Variants in KCNK2 observed in about 807,000 individuals in gnomAD.
KCNK2 encodes the protein potassium two pore domain channel subfamily K member 2.
A neutral mutation model predicts 40.5 loss-of-function variants in KCNK2; 21 were observed. The ratio of observed to expected loss-of-function variants is 0.52; its 90% CI spans 0.37 to 0.75. The LOEUF is 0.75. KCNK2 is among the 30% of genes least tolerant of loss of function. The probability of loss-of-function intolerance (pLI) is 0.00; values close to 1 mark genes in which losing one functional copy is unlikely to be tolerated. For missense variants in KCNK2, 399 were observed against 531.6 expected, an observed-to-expected ratio of 0.75 and a Z score of 2.45; for synonymous variants, 191 against 202.2, an observed-to-expected ratio of 0.94 and a Z score of 0.47.
chr1:215,210,376 A>C (rs1456806269), intron 6 of KCNK2, among the ~76,000 whole-genome samples: 1 of 151,920 alleles, frequency 6.6e-6, no homozygotes, highest in African/African-American at 2.4e-5. Context: ...GGGCAGGGTA[A>C]GAATTGCTTT....
At chr1:215,031,182 A>C (rs1017039536) in intron 1 of KCNK2, among the ~76,000 whole-genome samples, 4 of 152,026 alleles carry the variant, frequency 2.6e-5, no homozygotes, top group African/African-American at 9.7e-5. Context: ...CAGTCCTCTG[A>C]CTTTTTTACC....
intron 5 of KCNK2, among the ~76,000 whole-genome samples, chr1:215,182,004 T>G (rs1376993216): frequency 6.6e-6 from 1 of 152,212 alleles, no homozygotes; most frequent in East Asian, 1.9e-4. Flanking sequence ...GGGGAACTCC[T>G]TGACCCCATG....
chr1:215,133,812 G>A (rs1235858205), intron 3 of KCNK2, among the ~76,000 whole-genome samples: 1 of 152,064 alleles, frequency 6.6e-6, no homozygotes, highest in East Asian at 1.9e-4. Flanking sequence ...ATTCCAAATG[G>A]AAAGGAATTC....
intron 3 of KCNK2, among the ~76,000 whole-genome samples, chr1:215,148,894 G>C (rs1274214570): frequency 6.6e-6 from 1 of 152,156 alleles, no homozygotes; most frequent in Non-Finnish European, 1.5e-5. Context: ...GCTAGAGGGA[G>C]AAAACAACAT....
chr1:215,165,173 A>G (rs1397400962), intron 3 of KCNK2, among the ~76,000 whole-genome samples: 5 of 152,268 alleles, frequency 3.3e-5, no homozygotes, highest in East Asian at 1.9e-4. Flanking sequence ...CTTGCTTTCC[A>G]TAGCTTGCAC....
rs192536499 is a variant in KCNK2 at position 215,093,972 on chromosome 1, A to G, written c.357+7294A>G. Reference sequence around the variant, plus strand: ...ATAATATATAAAATATATAATATATATATATTGTATATGGTTGGTGCAAAT... The same window carrying G: ...ATAATATATAAAATATATAATATATGTATATTGTATATGGTTGGTGCAAAT... On this transcript the variant is annotated intron_variant, in intron 2 of 6. Transcript: ENST00000444842. Among the ~76,000 whole-genome samples, 1,174 of 131,918 alleles carry G rather than the reference A, an allele frequency of 8.9e-3. 16 individuals are homozygous for G. The highest frequency in any genetic ancestry group is 0.013 in the Non-Finnish European group (814 of 64,762). The allele number at this position is 131,918 out of a possible 152,430, so 86.5% of individuals were successfully genotyped here.
At chr1:215,189,379 G>C (rs1664572952) in intron 5 of KCNK2, among the ~76,000 whole-genome samples, 1 of 152,150 alleles carries the variant, frequency 6.6e-6, no homozygotes, top group African/African-American at 2.4e-5. Context: ...AATTGTTCTA[G>C]ATTGAGATTT....
intron 1 of KCNK2, among the ~76,000 whole-genome samples, chr1:215,059,250 C>G (rs1327900681): frequency 6.6e-6 from 1 of 152,060 alleles, no homozygotes; most frequent in Admixed American, 6.6e-5. Context: ...CAGAATCTTT[C>G]CCTAGTGCCA....
intron 6 of KCNK2, among the ~76,000 whole-genome samples, chr1:215,223,232 G>A (rs1389293904): frequency 1.4e-5 from 1 of 70,664 alleles, no homozygotes; most frequent in Middle Eastern, 0.012. Context: ...TACAGAATAA[G>A]CTCTTTTCTA....
intron 4 of KCNK2, 77 bp downstream of exon 4, chr1:215,169,436 A>G (rs1375886473): frequency 9.0e-7 from 1 of 1,108,044 alleles, no homozygotes; most frequent in African/African-American, 1.6e-5. Flanking sequence ...CTGTCACCTC[A>G]GATACAATTA....
chr1:215,180,164 TATA>T (rs1195492014), intron 5 of KCNK2, among the ~76,000 whole-genome samples: 4 of 152,134 alleles, frequency 2.6e-5, no homozygotes, highest in Admixed American at 6.6e-5. Flanking sequence ...TTTTATCTGA[TATA>T]AATCAGTGAC....
chr1:215,212,139 G>C (rs1394435954), intron 6 of KCNK2, among the ~76,000 whole-genome samples: 1 of 152,064 alleles, frequency 6.6e-6, no homozygotes, highest in Non-Finnish European at 1.5e-5. Context: ...AAACTTTATA[G>C]CTGCAGCAAA....
intron 3 of KCNK2, among the ~76,000 whole-genome samples, chr1:215,154,088 A>G (rs1662804915): frequency 6.6e-6 from 1 of 152,184 alleles, no homozygotes; most frequent in Non-Finnish European, 1.5e-5. Flanking sequence ...AGAATGATTT[A>G]TATTCCTTTG....
At chr1:215,081,304 C>A (rs558763383), upstream of KCNK2, among the ~76,000 whole-genome samples, 1 of 152,030 alleles carries the variant, frequency 6.6e-6, no homozygotes, top group East Asian at 1.9e-4. Flanking sequence ...CCCAGGAAGA[C>A]TTAGAATGAA....
At chr1:215,158,310 C>G (rs890845938) in intron 3 of KCNK2, among the ~76,000 whole-genome samples, 10 of 152,132 alleles carry the variant, frequency 6.6e-5, no homozygotes, top group Non-Finnish European at 1.5e-4. Flanking sequence ...CTAGAATTCT[C>G]TTTGGATTTT....
intron 1 of KCNK2, among the ~76,000 whole-genome samples, chr1:215,019,989 A>G (rs1185747111): frequency 1.3e-5 from 2 of 152,212 alleles, no homozygotes; most frequent in African/African-American, 2.4e-5. Context: ...AAGAGAAAAA[A>G]GAATAAACAA....
chr1:215,053,633 A>G (rs1389035147), intron 1 of KCNK2, among the ~76,000 whole-genome samples: 2 of 152,236 alleles, frequency 1.3e-5, no homozygotes, highest in African/African-American at 4.8e-5. Flanking sequence ...AAATTGATAA[A>G]TAAATGAATG....
chr1:215,073,069 A>C (rs1260271248), intron 1 of KCNK2, among the ~76,000 whole-genome samples: 1 of 152,158 alleles, frequency 6.6e-6, no homozygotes, highest in Admixed American at 6.5e-5. Flanking sequence ...ATACACACAA[A>C]GGGAAAAGGA....
chr1:215,223,177 T>C (rs1666248599), intron 6 of KCNK2, among the ~76,000 whole-genome samples: 1 of 145,304 alleles, frequency 6.9e-6, no homozygotes, highest in African/African-American at 2.5e-5. Flanking sequence ...AAGCCATCCG[T>C]TAGGTGGAAA....
Sources: allele counts gnomAD v4.1 joint callset (sites outside exome capture counted in the v4.1 genomes callset), GRCh38; gene constraint gnomAD v4.1.1; transcripts MANE v1.5; gene names NCBI Gene and HGNC (gene_info 2026-07-23, HGNC 2026-07-21).